SRRT: variants seen among roughly 807,000 people sequenced by gnomAD.
SRRT encodes serrate, RNA effector molecule, also known as serrate RNA effector molecule homolog.
A neutral mutation model predicts 103.2 loss-of-function variants in SRRT; 32 were observed. That is an observed-to-expected ratio of 0.31 (90% CI 0.23 to 0.42). The LOEUF is 0.42. SRRT is among the 10% of genes least tolerant of loss of function. The probability of loss-of-function intolerance (pLI) is 1.00; values close to 1 mark genes in which losing one functional copy is unlikely to be tolerated. For missense variants in SRRT, 986 were observed against 1,207.5 expected, an observed-to-expected ratio of 0.82 and a Z score of 2.72; for synonymous variants, 525 against 449.0, an observed-to-expected ratio of 1.17 and a Z score of -2.14.
At chr7:100,879,163 C>T (rs1231155860) in intron 2 of SRRT, among the ~76,000 whole-genome samples, 1 of 152,156 alleles carries the variant, frequency 6.6e-6, no homozygotes, top group East Asian at 1.9e-4. Flanking sequence ...GCCATGTTGG[C>T]TAGGCTGGTC....
rs1311307894 is a variant in SRRT at position 100,887,841 on chromosome 7, C to T, written c.2308C>T (p.Pro770Ser). 1.9e-6 allele frequency: 3 copies of T among 1,605,478 alleles called. No homozygotes were observed. The highest frequency in any genetic ancestry group is 1.1e-5 in the South Asian group (1 of 90,946). Residue 770 changes from proline (P) to serine (S), a missense_variant, in exon 17 of 20, where the codon CCA becomes TCA. By Grantham distance (74) the Pro-to-Ser change is moderately conservative. Coordinates refer to ENST00000611405, the MANE Select transcript of SRRT (RefSeq NM_015908.6). The surrounding 1 kb of genome is among the most constrained non-coding windows in gnomAD (Gnocchi z 4.1). ...TCTGCCTGAGATCAAGCCAGCCCAG[C>T]CACCTGGCCCCGCCCAGAGTAAGAT... ...PALPEIKPAQ[P>S]PGPAQILPPG...
rs757069260 is a variant in SRRT, at chr7:100,888,013, C to T, written c.2327-29C>T. 2.0e-5 allele frequency: 31 copies of T among 1,529,020 alleles called. No homozygotes were observed. In the East Asian group the frequency reaches 2.9e-4, roughly 15 times the overall value. 94.7% of individuals were successfully genotyped at this position (1,529,020 alleles called of 1,614,324 possible). On this transcript the variant is annotated intron_variant, in intron 17 of 19. Coordinates refer to ENST00000611405, the MANE Select transcript of SRRT (RefSeq NM_015908.6). The stretch of plus-strand genomic sequence containing the variant: ...GTACCCGTATCCCCCTCCCCGCCCC[C>T]GCAGTAATTCATGTCCCTGTCCGTG...
rs746932036 is a variant in SRRT, at chr7:100,885,385, G to C, written c.1317+15G>C. On this transcript the variant is annotated intron_variant, in intron 10 of 19. Coordinates refer to ENST00000611405, the MANE Select transcript of SRRT (RefSeq NM_015908.6). The surrounding 1 kb of genome is among the most constrained non-coding windows in gnomAD (Gnocchi z 4.8). ...AGATCATCTCCGTGAGTGGGGACCC[G>C]TGGAGTCAGGGCAGGGCTGATGGAG... 10 of 1,609,612 alleles carry C rather than the reference G, an allele frequency of 6.2e-6. No homozygotes were observed. The Admixed American group carries it at 1.2e-4, about 19-fold the overall frequency.
intron 2 of SRRT, among the ~76,000 whole-genome samples, chr7:100,878,894 C>T (rs932005306): frequency 1.3e-5 from 2 of 151,576 alleles, no homozygotes; most frequent in Admixed American, 1.3e-4. Context: ...CCTTCCTTTT[C>T]TTTTCTTTTC....
Position 100,885,869 on chromosome 7 carries a change from C to T in SRRT, c.1386C>T (p.Phe462=). ...CATTTTCTTTCTTGTGTAGGTTTTT[C>T]CGTCGTGGCTGGGTGACCTTCGACC... is the stretch of plus-strand genomic sequence containing the variant. ...LSEPQPERRF[F]RRGWVTFDRS... is the part of the protein sequence containing the mutation. The change falls in exon 12 of 20, where the codon TTC becomes TTT. Residue 462 remains phenylalanine (F), a synonymous_variant. Transcript: ENST00000611405. The surrounding 1 kb of genome is among the most constrained non-coding windows in gnomAD (Gnocchi z 4.8). 4 of 1,614,078 alleles carry T rather than the reference C, an allele frequency of 2.5e-6. No homozygotes were observed. Among genetic ancestry groups the T allele is most frequent in the Non-Finnish European group, 3.4e-6 (4 of 1,180,030 alleles).
rs1584751291 is a variant in SRRT at position 100,884,946 on chromosome 7, G to C, written c.1065G>C (p.Lys355Asn). ...AGAGTAGCAAGAAGCGGAACCGGAA[G>C]CACAGTGGTGACGACAGCTTTGACG... ...AKKSSKKRNR[K>N]HSGDDSFDEG... Residue 355 changes from lysine (K) to asparagine (N), a missense_variant, in exon 9 of 20, where the codon AAG (lysine) becomes AAC (asparagine). This residue lies in a region of SRRT where 166 missense variants were observed against 148.6 expected (regional missense o/e 1.12). Transcript: ENST00000611405. The C allele has an allele frequency of 6.2e-7, 1 of 1,614,116 alleles. No individual in the cohort carries two copies. The highest frequency in any genetic ancestry group is 1.6e-4 in the Middle Eastern group (1 of 6,062).
intron 13 of SRRT, 129 bp downstream of exon 13, chr7:100,886,564 G>C: frequency 9.4e-7 from 1 of 1,068,392 alleles, no homozygotes; most frequent in South Asian, 1.6e-5. Context: ...TTGCCCCTTC[G>C]TGTGTGGGTA....
intron 2 of SRRT, 163 bp downstream of exon 2, chr7:100,875,875 T>A: frequency 2.5e-6 from 2 of 795,218 alleles, no homozygotes; most frequent in South Asian, 1.7e-5. Context: ...GCCAAATAAC[T>A]AGCTGTGGCT....
In SRRT at chr7:100,881,820, T is replaced by C; in HGVS notation, c.398+15T>C. The C allele has an allele frequency of 1.3e-6, 2 of 1,588,382 alleles. No individual in the cohort carries two copies. The highest frequency in any genetic ancestry group is 1.1e-5 in the South Asian group (1 of 88,036). ...ATCCAGGCCAGGTAAGGGTGGGGCT[T>C]CTCAGAAGAGGGTTGGTAGGCCTGG... On this transcript the variant is annotated intron_variant, in intron 4 of 19. Coordinates refer to ENST00000611405, the MANE Select transcript of SRRT (RefSeq NM_015908.6).
chr7:100,885,210 TAGA>T lies in SRRT; in HGVS notation c.1163_1165del (p.Glu388del). 3.7e-6 allele frequency: 6 copies of T among 1,612,972 alleles called. No homozygotes were observed. The highest frequency in any genetic ancestry group is 1.7e-5 in the Admixed American group (1 of 59,854). The stretch of plus-strand genomic sequence containing the variant: ...ACTCCTTCCTACCCCCCTTCCTGCC[TAGA>T]AGAAGCGCTCAAGGAGAAGGAGAAG... On this transcript the variant is annotated splice_acceptor_variant and coding_sequence_variant, in exon 10 of 20. Coordinates refer to ENST00000611405, the MANE Select transcript of SRRT (RefSeq NM_015908.6). LOFTEE classifies it high-confidence loss of function. This position sits in a 1 kb window ranked among gnomAD's most constrained non-coding sequence, Gnocchi z 4.8.
intron 5 of SRRT, chr7:100,883,139 C>T (rs921885950): frequency 1.3e-5 from 2 of 152,466 alleles, no homozygotes; most frequent in African/African-American, 4.8e-5. Context: ...CTCTTCTGCC[C>T]CACTCGTGGT....
At chr7:100,886,548 A>G (rs17162528) in intron 13 of SRRT, 113 bp downstream of exon 13, 43,660 of 1,177,768 alleles carry the variant, frequency 0.037, 1,010 homozygotes, top group Middle Eastern at 0.054. Flanking sequence ...TCGCCTGCTC[A>G]CTCATTTGCC....
Position 100,888,127 on chromosome 7 carries a change from G to T in SRRT, c.2412G>T (p.Pro804=). The T allele has an allele frequency of 6.2e-7, 1 of 1,610,412 alleles. No homozygotes were observed. The highest frequency in any genetic ancestry group is 1.7e-5 in the Admixed American group (1 of 59,406). Residue 804 remains proline, a synonymous_variant, in exon 18 of 20, where the codon CCG becomes CCT. Coordinates refer to ENST00000611405, the MANE Select transcript of SRRT (RefSeq NM_015908.6). ...TGCCCTATGGTCAGCCCCGGCCCCC[G>T]ATCTTGGGCTATGGAGGTAAGTACA... is the stretch of plus-strand genomic sequence containing the variant. ...GLMPYGQPRP[P]ILGYGAGAVR...
chr7:100,881,795 A>G lies in SRRT; in HGVS notation c.388A>G (p.Ile130Val), dbSNP rs1789603131. The G allele has an allele frequency of 3.7e-6, 6 of 1,608,666 alleles. No individual in the cohort carries two copies. The highest frequency in any genetic ancestry group is 4.2e-6 in the Non-Finnish European group (5 of 1,178,014). Reference sequence around the variant, plus strand: ...CATCATGCAGCACCATGTCCTGCCTATCCAGGCCAGGTAAGGGTGGGGCTT... The same window carrying G: ...CATCATGCAGCACCATGTCCTGCCTGTCCAGGCCAGGTAAGGGTGGGGCTT... ...VHIMQHHVLPIQARLGSIAEI... is the reference protein window; with the variant it reads ...VHIMQHHVLPVQARLGSIAEI... Residue 130 changes from isoleucine to valine, a missense_variant, in exon 4 of 20, where the codon ATC becomes GTC. Transcript: ENST00000611405.
chr7:100,882,028 C>A lies in SRRT; in HGVS notation c.399-25C>A. ...CTCCCACCGTTCCCCAAAAACCAAG[C>A]CTTCCTGACCGGGGTCCCCTCCAGG... On this transcript the variant is annotated intron_variant, in intron 4 of 19. Coordinates refer to ENST00000611405, the MANE Select transcript of SRRT (RefSeq NM_015908.6). The surrounding 1 kb of genome is among the most constrained non-coding windows in gnomAD (Gnocchi z 4.2). The A allele has an allele frequency of 6.3e-7, 1 of 1,598,516 alleles. No homozygotes were observed. The highest frequency in any genetic ancestry group is 8.5e-7 in the Non-Finnish European group (1 of 1,173,346).
Position 100,885,841 on chromosome 7 carries a change from T to G in SRRT, c.1380-22T>G. ...CACCAACTCCCTCGCTTGACTATGC[T>G]AACATTTTCTTTCTTGTGTAGGTTT... On this transcript the variant is annotated intron_variant, in intron 11 of 19. Transcript: ENST00000611405. This position sits in a 1 kb window ranked among gnomAD's most constrained non-coding sequence, Gnocchi z 4.8. The G allele has an allele frequency of 6.2e-7, 1 of 1,614,124 alleles. No individual in the cohort carries two copies. Among genetic ancestry groups the G allele is most frequent in the Non-Finnish European group, 8.5e-7 (1 of 1,179,972 alleles).
intron 13 of SRRT, 96 bp downstream of exon 13, chr7:100,886,531 C>T (rs1191128931): frequency 1.5e-6 from 2 of 1,307,124 alleles, no homozygotes; most frequent in Non-Finnish European, 1.0e-6. Flanking sequence ...TGAACCCTTG[C>T]ACCCACTCGC....
intron 2 of SRRT, among the ~76,000 whole-genome samples, chr7:100,880,322 G>T (rs1453890942): frequency 6.6e-6 from 1 of 152,028 alleles, no homozygotes; most frequent in Non-Finnish European, 1.5e-5. Flanking sequence ...TTGGTGGGGG[G>T]GATGAAGTCT....
At position 100,885,169 on chromosome 7, in the gene SRRT, T is replaced by C. The variant is rs376378920; in HGVS notation, c.1160-44T>C. The C allele has an allele frequency of 6.2e-7, 1 of 1,605,274 alleles. No individual in the cohort carries two copies. Among genetic ancestry groups the C allele is most frequent in the Non-Finnish European group, 8.5e-7 (1 of 1,174,922 alleles). On this transcript the variant is annotated intron_variant, in intron 9 of 19. Transcript: ENST00000611405. The surrounding 1 kb of genome is among the most constrained non-coding windows in gnomAD (Gnocchi z 4.8). ...TCTGTATCCTCCCCACCACAATCAG[T>C]AATAAAAATGCACCAACTCCTTCCT...
Sources: gnomAD v4.1 joint callset for allele counts (sites outside exome capture counted in the v4.1 genomes callset) on GRCh38, gnomAD v4.1.1 for gene constraint, gnomAD v4.1.1 regional missense constraint, Gnocchi (gnomAD v3.1) non-coding constraint, MANE v1.5 for transcripts, NCBI Gene and HGNC (gene_info 2026-07-23, HGNC 2026-07-21) for gene names.